The following PXN variants were observed in gnomAD, a reference collection of about 807,000 sequenced individuals.
PXN encodes the protein testicular tissue protein Li 134.
A neutral mutation model predicts 103.6 loss-of-function variants in PXN; 61 were observed. The ratio of observed to expected loss-of-function variants is 0.59; its 90% confidence interval spans 0.48 to 0.73. PXN has a LOEUF of 0.73. Ranked by LOEUF, PXN falls within the 30% of genes least tolerant of loss-of-function variation. The pLI, the probability that PXN is intolerant of heterozygous loss-of-function variation, is 0.00. For synonymous variants in PXN, 562 were observed against 607.8 expected (o/e 0.92, Z 1.11); for missense variants, 1,274 against 1,460.3 (o/e 0.87, Z 2.08).
At chr12:120,259,537 C>T (rs1015852221) in intron 1 of PXN, among the ~76,000 whole-genome samples, 8 of 152,102 alleles carry the variant, frequency 5.3e-5, no homozygotes, top group South Asian at 2.1e-4. Context: ...ATTAAAAGTC[C>T]GTCTTTAAGG....
rs1368538413 is a variant in PXN at position 120,221,719 on chromosome 12, C to T, written c.735G>A (p.Pro245=). 15 of 1,572,714 alleles carry T rather than the reference C, an allele frequency of 9.5e-6. No individual in the cohort carries two copies. The highest frequency in any genetic ancestry group is 1.4e-5 in the African/African-American group (1 of 74,048). ...GCTGTTGGGTGGAGGTGACGCGCTG[C>T]GGGCTGCTCATCTCGCCCTGGTTCA... ...ITVNQGEMSS[P]QRVTSTQQQT... Residue 245 remains proline, a synonymous_variant, in exon 6 of 15, where the codon CCG becomes CCA. Transcript: ENST00000637617. This position sits in a 1 kb window ranked among gnomAD's most constrained non-coding sequence, Gnocchi z 6.6.
At chr12:120,227,069 T>G (rs1887015408) in intron 1 of PXN, 1 of 986,000 alleles carries the variant, frequency 1.0e-6, no homozygotes, top group Non-Finnish European at 1.2e-6. Context: ...CTTCTAAGTC[T>G]CCTAAGTCTT....
In PXN at chr12:120,211,590, C is replaced by T. The variant is rs1880180138; in HGVS notation, c.*724G>A. The T allele has an allele frequency of 4.7e-6, 1 of 213,348 alleles. No homozygotes were observed. Among genetic ancestry groups the T allele is most frequent in the Admixed American group, 5.1e-5 (1 of 19,700 alleles). 13.2% of individuals were successfully genotyped at this position (213,348 alleles called of 1,614,324 possible). On this transcript the variant is annotated 3_prime_UTR_variant, in exon 15 of 15. Coordinates refer to ENST00000637617, the MANE Select transcript of PXN (RefSeq NM_001385981.1). ...CAACTCAGGCGATATGAATTCAAAC[C>T]TCAGTGTAGAAATCTATCAAAGTCG...
intron 1 of PXN, chr12:120,226,413 G>C: frequency 7.8e-7 from 1 of 1,289,186 alleles, no homozygotes; most frequent in South Asian, 1.2e-5. Flanking sequence ...CGGTTCAGAG[G>C]CAGAGTCACA....
rs1426518265 is a variant in PXN at position 120,228,979 on chromosome 12, T to C, written c.14-4602A>G. Reference sequence around the variant, plus strand: ...TCAGCAACTGACTGAGCGTAATCCTTACAACCGGTGGGAGCCGCTGGAGGG... The same window carrying C: ...TCAGCAACTGACTGAGCGTAATCCTCACAACCGGTGGGAGCCGCTGGAGGG... On this transcript the variant is annotated intron_variant, in intron 1 of 14. Transcript: ENST00000637617. This position sits in a 1 kb window ranked among gnomAD's most constrained non-coding sequence, Gnocchi z 4.7. Among the ~76,000 whole-genome samples the C allele has an allele frequency of 6.6e-6, 1 of 152,156 alleles. No individual in the cohort carries two copies. The highest frequency in any genetic ancestry group is 1.5e-5 in the Non-Finnish European group (1 of 68,016).
At chr12:120,263,983 A>G (rs1894281357) in intron 1 of PXN, among the ~76,000 whole-genome samples, 1 of 152,162 alleles carries the variant, frequency 6.6e-6, no homozygotes, top group Non-Finnish European at 1.5e-5. Context: ...TCCTGGTTCA[A>G]AGAACATCCC....
chr12:120,263,306 C>A, intron 1 of PXN, among the ~76,000 whole-genome samples: 1 of 152,244 alleles, frequency 6.6e-6, no homozygotes, highest in South Asian at 2.1e-4. Context: ...TCCTCCCACC[C>A]CAGGCTCCGG....
At chr12:120,250,930 G>A (rs1404643710) in intron 1 of PXN, among the ~76,000 whole-genome samples, 2 of 152,244 alleles carry the variant, frequency 1.3e-5, no homozygotes, top group East Asian at 3.8e-4. Context: ...TGGGCCAGGT[G>A]CAATGGCTCA....
Position 120,219,760 on chromosome 12 carries a change from G to A in PXN, c.1163C>T (p.Pro388Leu), listed in dbSNP as rs754723487. The A allele has an allele frequency of 1.4e-5, 23 of 1,597,648 alleles. No individual in the cohort carries two copies. The highest frequency in any genetic ancestry group is 2.2e-5 in the South Asian group (2 of 90,940). Reference protein sequence around the residue: ...ESQGRDWRHLPTITSELSGAP... With the variant: ...ESQGRDWRHLLTITSELSGAP... Reference sequence around the variant, plus strand: ...CCCAGAGAGCTCACTTGTGATGGTCGGCAGGTGCCTCCAATCTCGACCCTG... The same window carrying A: ...CCCAGAGAGCTCACTTGTGATGGTCAGCAGGTGCCTCCAATCTCGACCCTG... The change falls in exon 7 of 15, where the codon CCG becomes CTG. Residue 388 changes from proline to leucine, a missense_variant. Pro to Leu is a moderately conservative substitution (Grantham distance 98, BLOSUM62 -3). Transcript: ENST00000637617. This position sits in a 1 kb window ranked among gnomAD's most constrained non-coding sequence, Gnocchi z 6.5.
intron 1 of PXN, among the ~76,000 whole-genome samples, chr12:120,249,230 AAAGT>A (rs1348671135): frequency 1.3e-5 from 2 of 152,154 alleles, no homozygotes; most frequent in Non-Finnish European, 2.9e-5. Context: ...TAAACAGAGA[AAAGT>A]AAGCAGCTCT....
At chr12:120,218,890 G>A (rs1385703221) in intron 7 of PXN, among the ~76,000 whole-genome samples, 1 of 152,226 alleles carries the variant, frequency 6.6e-6, no homozygotes. Flanking sequence ...GCAAGTGTTA[G>A]ACATGTGGTT....
intron 1 of PXN, among the ~76,000 whole-genome samples, chr12:120,238,033 C>T (rs559592419): frequency 1.3e-5 from 2 of 152,298 alleles, no homozygotes. Flanking sequence ...CCAATTTCTC[C>T]GGAGGCCCGG....
intron 1 of PXN, among the ~76,000 whole-genome samples, chr12:120,244,462 C>T (rs536554337): frequency 4.0e-5 from 6 of 151,784 alleles, no homozygotes; most frequent in African/African-American, 1.2e-4. Flanking sequence ...CTGGCTAACA[C>T]GGTGAAACCC....
Position 120,214,094 on chromosome 12 carries a change from C to G in PXN, c.2830+42G>C. 6.4e-7 allele frequency: 1 copy of G among 1,557,746 alleles called. No individual in the cohort carries two copies. The highest frequency in any genetic ancestry group is 8.7e-7 in the Non-Finnish European group (1 of 1,150,974). ...GTCTCCCACCCCCACCTCCCCGGCC[C>G]TCCTAAGAGGCGGTGGGTCAGTCCG... On this transcript the variant is annotated intron_variant, in intron 13 of 14. Transcript: ENST00000637617. The surrounding 1 kb of genome is among the most constrained non-coding windows in gnomAD (Gnocchi z 5.0).
Position 120,216,017 on chromosome 12 carries a change from G to A in PXN, c.2301+256C>T. 2 of 1,354,838 alleles carry A rather than the reference G, an allele frequency of 1.5e-6. No individual in the cohort carries two copies. The highest frequency in any genetic ancestry group is 1.9e-6 in the Non-Finnish European group (2 of 1,055,400). The allele number at this position is 1,354,838 out of a possible 1,614,324, so 83.9% of individuals were successfully genotyped here. On this transcript the variant is annotated intron_variant, in intron 9 of 14. Transcript: ENST00000637617. The surrounding 1 kb of genome is among the most constrained non-coding windows in gnomAD (Gnocchi z 5.1). ...CTTCTTTCCTCGATGGGAGCCCGGG[G>A]CAGTACTGAGGACCAGTCGAGGAAG...
Position 120,219,451 on chromosome 12 carries a change from C to T in PXN, c.1472G>A (p.Arg491Lys), listed in dbSNP as rs759807686. Reference sequence around the variant, plus strand: ...CAGCCTCCCTGGCTCTGGCCTTGGCCTCTCCTGCTGTAGGCCATGTTCCTC... The same window carrying T: ...CAGCCTCCCTGGCTCTGGCCTTGGCTTCTCCTGCTGTAGGCCATGTTCCTC... ...LTEEHGLQQERPRPEPGRLGS... is the reference protein window; with the variant it reads ...LTEEHGLQQEKPRPEPGRLGS... Residue 491 changes from arginine (R) to lysine (K), a missense_variant, in exon 7 of 15, where the codon AGG (arginine) becomes AAG (lysine). By Grantham distance (26) the Arg-to-Lys change is conservative. Transcript: ENST00000637617. This position sits in a 1 kb window ranked among gnomAD's most constrained non-coding sequence, Gnocchi z 6.5. 5.6e-6 allele frequency: 9 copies of T among 1,598,128 alleles called. No homozygotes were observed. In the Admixed American group the frequency reaches 1.5e-4, roughly 27 times the overall value.
intron 1 of PXN, among the ~76,000 whole-genome samples, chr12:120,257,562 TCAC>T (rs1294604669): frequency 1.3e-5 from 2 of 152,172 alleles, no homozygotes; most frequent in Non-Finnish European, 2.9e-5. Context: ...ACCAGGGCCC[TCAC>T]CTCTGCCTCA....
Position 120,222,161 on chromosome 12 carries a change from G to A in PXN, c.695+388C>T, listed in dbSNP as rs901464020. Among the ~76,000 whole-genome samples, 3 of 152,192 alleles carry A rather than the reference G, an allele frequency of 2.0e-5. No homozygotes were observed. The highest frequency in any genetic ancestry group is 7.2e-5 in the African/African-American group (3 of 41,450). On this transcript the variant is annotated intron_variant, in intron 5 of 14. Coordinates refer to ENST00000637617, the MANE Select transcript of PXN (RefSeq NM_001385981.1). This position sits in a 1 kb window ranked among gnomAD's most constrained non-coding sequence, Gnocchi z 4.7. ...TTCCAAGCGCTTTACATGGATTACT[G>A]GTTCTCACCCTTACTGAGGTAGGTG...
intron 1 of PXN, chr12:120,250,258 G>A (rs150542871): frequency 8.9e-5 from 82 of 924,882 alleles, no homozygotes; most frequent in East Asian, 2.4e-4. Flanking sequence ...GGCAAAGCTC[G>A]GCCAGGACTC....
Sources: gnomAD v4.1 joint callset for allele counts (sites outside exome capture counted in the v4.1 genomes callset) on GRCh38, gnomAD v4.1.1 for gene constraint, Gnocchi (gnomAD v3.1) non-coding constraint, MANE v1.5 for transcripts, NCBI Gene and HGNC (gene_info 2026-07-23, HGNC 2026-07-21) for gene names.